Variants in CENPU observed in about 807,000 individuals in gnomAD.
CENPU encodes the protein KSHV latent nuclear antigen interacting protein 1.
CENPU carries 46 observed loss-of-function variants against 56.7 expected under a neutral mutation model. That is an observed-to-expected ratio of 0.81 (90% confidence interval 0.64 to 1.04). CENPU has a LOEUF of 1.04. Ranked by LOEUF, CENPU falls within the 50% of genes least tolerant of loss-of-function variation. CENPU has a pLI of 0.00. For synonymous variants in CENPU, 166 were observed against 163.0 expected, an observed-to-expected ratio of 1.02 and a Z score of -0.14; for missense variants, 510 against 490.1, an observed-to-expected ratio of 1.04 and a Z score of -0.38.
At chr4:184,721,852 TCAATAAAGAAACAG>T (rs769530001) in intron 4 of CENPU, among the ~76,000 whole-genome samples, 1 of 152,008 alleles carries the variant, frequency 6.6e-6, no homozygotes, top group Non-Finnish European at 1.5e-5. Flanking sequence ...AGACAGACAA[TCAATAAAGAAACAG>T]CAGACTTAAT....
chr4:184,729,883 G>A (rs1415937254), intron 2 of CENPU, among the ~76,000 whole-genome samples: 1 of 152,220 alleles, frequency 6.6e-6, no homozygotes, highest in East Asian at 1.9e-4. Context: ...AGAAAATGTG[G>A]AAGGGTACTA....
At chr4:184,718,033 A>C (rs577537108) in intron 4 of CENPU, among the ~76,000 whole-genome samples, 35 of 152,322 alleles carry the variant, frequency 2.3e-4, no homozygotes, top group African/African-American at 8.4e-4. Context: ...AAAGGCTATG[A>C]CTGACGGGCT....
chr4:184,695,387 G>T lies in CENPU; in HGVS notation c.1158C>A (p.Ser386Arg). Residue 386 changes from serine to arginine, a missense_variant, in exon 13 of 13, where the codon AGC becomes AGA. Coordinates refer to ENST00000281453, the MANE Select transcript of CENPU (RefSeq NM_024629.4). ...PNVKETYDSS[S>R]LPALLFKART... is the part of the protein sequence containing the mutation. ...TTGCTTTAAATAACAGAGCTGGAAG[G>T]CTGGATGAATCATACTGTTGAAAGA... 1 of 1,611,968 alleles carries T rather than the reference G, an allele frequency of 6.2e-7. No homozygotes were observed. Among genetic ancestry groups the T allele is most frequent in the East Asian group, 2.2e-5 (1 of 44,838 alleles).
chr4:184,706,175 A>G (rs1305049554), intron 8 of CENPU, among the ~76,000 whole-genome samples: 2 of 152,240 alleles, frequency 1.3e-5, no homozygotes, highest in Non-Finnish European at 2.9e-5. Context: ...CTAATGTAAT[A>G]TAATATCAAA....
In CENPU at chr4:184,710,197, A is replaced by T; in HGVS notation, c.689-17T>A. 6.6e-7 allele frequency: 1 copy of T among 1,514,250 alleles called. No individual in the cohort carries two copies. The highest frequency in any genetic ancestry group is 1.7e-4 in the Middle Eastern group (1 of 5,820). 93.8% of individuals were successfully genotyped at this position (1,514,250 alleles called of 1,614,324 possible). A position where few individuals can be genotyped will look rare whatever the true frequency, so the allele number is the denominator to read the frequency against. On this transcript the variant is annotated splice_polypyrimidine_tract_variant and intron_variant, in intron 7 of 12. Coordinates refer to ENST00000281453, the MANE Select transcript of CENPU (RefSeq NM_024629.4). ...CAGAAGTATCTAAAATATTAAGATA[A>T]GTTAACATGCTGGTTATTCATATTT...
intron 12 of CENPU, among the ~76,000 whole-genome samples, chr4:184,696,878 CTTAACT>C (rs1434320170): frequency 2.4e-5 from 3 of 126,920 alleles, no homozygotes; most frequent in African/African-American, 5.3e-5. Flanking sequence ...TTTAATGTTC[CTTAACT>C]TTTTTTTTTT....
intron 1 of CENPU, among the ~76,000 whole-genome samples, chr4:184,731,174 C>A (rs538633732): frequency 1.3e-5 from 2 of 152,196 alleles, no homozygotes; most frequent in South Asian, 2.1e-4. Context: ...AAGTTGGAAT[C>A]CTGCTGTTAA....
chr4:184,700,698 C>G (rs115878760), intron 11 of CENPU, 122 bp downstream of exon 11: 1 of 865,856 alleles, frequency 1.2e-6, no homozygotes, highest in Non-Finnish European at 2.0e-6. Context: ...CACTGAGTAT[C>G]GGAGCTTGAA....
At chr4:184,711,879 T>C (rs997673623) in intron 7 of CENPU, among the ~76,000 whole-genome samples, 5 of 152,056 alleles carry the variant, frequency 3.3e-5, no homozygotes, top group African/African-American at 1.2e-4. Context: ...TCCCAGCACT[T>C]TGGGAGGCCA....
intron 1 of CENPU, among the ~76,000 whole-genome samples, chr4:184,732,733 G>A (rs1761693197): frequency 6.6e-6 from 1 of 152,206 alleles, no homozygotes. Context: ...GCCAGGCGCG[G>A]TGGCTCATGC....
intron 3 of CENPU, 123 bp from the exon 4 acceptor site, chr4:184,725,185 T>A (rs1761411310): frequency 3.8e-6 from 2 of 531,864 alleles, no homozygotes; most frequent in Admixed American, 3.6e-5. Flanking sequence ...CAAAATCAAT[T>A]ACACAGGCCA....
rs1379038989 is a variant in CENPU, at chr4:184,699,541, A to T, written c.986+1279T>A. 4 of 1,286,222 alleles carry T rather than the reference A, an allele frequency of 3.1e-6. No individual in the cohort carries two copies. The South Asian group carries it at 4.9e-5, about 16-fold the overall frequency. The allele number at this position is 1,286,222 out of a possible 1,614,324, so 79.7% of individuals were successfully genotyped here. On this transcript the variant is annotated intron_variant, in intron 11 of 12. Transcript: ENST00000281453. ...AGCTTTCCCTATTATATTTACCTTT[A>T]GTTTTCTTATTTTGGCCTGGGTCAG...
chr4:184,703,632 TACC>T (rs1413610200), intron 8 of CENPU, among the ~76,000 whole-genome samples: 3 of 152,298 alleles, frequency 2.0e-5, no homozygotes, highest in African/African-American at 4.8e-5. Context: ...AACACAGAAT[TACC>T]ACATGATCCA....
intron 4 of CENPU, among the ~76,000 whole-genome samples, chr4:184,724,390 G>A (rs1761387921): frequency 6.6e-6 from 1 of 152,034 alleles, no homozygotes; most frequent in African/African-American, 2.4e-5. Flanking sequence ...AGCTGCTCTA[G>A]ATAATTTTAA....
intron 6 of CENPU, chr4:184,713,996 C>T (rs1212372778): frequency 6.6e-6 from 1 of 152,184 alleles, no homozygotes; most frequent in African/African-American, 2.4e-5. Context: ...ATGGGGATAA[C>T]AACATAACTG....
chr4:184,734,055 G>C lies in CENPU; in HGVS notation c.8C>G (p.Pro3Arg), dbSNP rs1014410399. The change falls in exon 1 of 13, where the codon CCG (proline) becomes CGG (arginine). Residue 3 changes from proline (P) to arginine (R), a missense_variant. By Grantham distance (103) the Pro-to-Arg change is moderately radical. Transcript: ENST00000281453. The part of the protein sequence containing the change: MA[P>R]RGRRRPRPHR... ...AGGCCGCGGCCGCCGCCGCCCCCGC[G>C]GGGCCATGGTGCCGCTCTCCGCTCT... 1 of 1,565,342 alleles carries C rather than the reference G, an allele frequency of 6.4e-7. No individual in the cohort carries two copies. The highest frequency in any genetic ancestry group is 1.9e-5 in the Admixed American group (1 of 52,776).
At chr4:184,720,079 T>G (rs1391876871) in intron 4 of CENPU, among the ~76,000 whole-genome samples, 1 of 152,156 alleles carries the variant, frequency 6.6e-6, no homozygotes, top group Non-Finnish European at 1.5e-5. Context: ...ATACATGACC[T>G]TCTAGACAGA....
chr4:184,720,428 C>T (rs1761237392), intron 4 of CENPU, among the ~76,000 whole-genome samples: 1 of 151,980 alleles, frequency 6.6e-6, no homozygotes, highest in Admixed American at 6.6e-5. Context: ...AGTTATTGGC[C>T]TTAAAGAAAG....
intron 6 of CENPU, among the ~76,000 whole-genome samples, chr4:184,715,167 A>G (rs994224086): frequency 3.3e-5 from 5 of 152,256 alleles, no homozygotes; most frequent in African/African-American, 1.2e-4. Flanking sequence ...AAGGTGAAGA[A>G]GACAGGGTGG....
Sources: gnomAD v4.1 joint callset for allele counts (sites outside exome capture counted in the v4.1 genomes callset) on GRCh38, gnomAD v4.1.1 for gene constraint, MANE v1.5 for transcripts, NCBI Gene and HGNC (gene_info 2026-07-23, HGNC 2026-07-21) for gene names.